WDR70: variants seen among roughly 807,000 people sequenced by gnomAD.
The protein encoded by WDR70 is WD repeat-containing protein 70.
WDR70 carries 53 observed loss-of-function variants against 88.6 expected under a neutral mutation model. The ratio of observed to expected loss-of-function variants is 0.60; its 90% CI spans 0.48 to 0.75. The LOEUF is 0.75. WDR70 is among the 30% of genes least tolerant of loss of function. The pLI, the probability that WDR70 is intolerant of heterozygous loss-of-function variation, is 0.00. For missense variants in WDR70, 610 were observed against 823.2 expected, an observed-to-expected ratio of 0.74 and a Z score of 3.17; for synonymous variants, 280 against 270.0, an observed-to-expected ratio of 1.04 and a Z score of -0.36.
At chr5:37,388,252 G>T (rs1748689272) in intron 3 of WDR70, among the ~76,000 whole-genome samples, 2 of 151,634 alleles carry the variant, frequency 1.3e-5, no homozygotes. Flanking sequence ...GAGTAGCTGG[G>T]ATTACAGGTG....
chr5:37,586,636 C>A (rs776648575), intron 9 of WDR70, among the ~76,000 whole-genome samples: 1 of 150,898 alleles, frequency 6.6e-6, no homozygotes, highest in Non-Finnish European at 1.5e-5. Context: ...GTTCAACTCC[C>A]GCTTATGAGT....
rs1006629687 is a variant in WDR70 at position 37,541,903 on chromosome 5, G to A, written c.917+25313G>A. Among the ~76,000 whole-genome samples the A allele has an allele frequency of 1.7e-4, 26 of 152,302 alleles. No homozygotes were observed. The South Asian group carries it at 5.2e-3, about 30-fold the overall frequency. On this transcript the variant is annotated intron_variant, in intron 9 of 17. Coordinates refer to ENST00000265107, the MANE Select transcript of WDR70 (RefSeq NM_018034.4). Reference sequence around the variant, plus strand: ...TGAGGAAAGTTAGGCTGAACATGCCGTATTAAAAACTTTCACTGGCAATGG... The same window carrying A: ...TGAGGAAAGTTAGGCTGAACATGCCATATTAAAAACTTTCACTGGCAATGG...
At chr5:37,506,158 C>A in intron 8 of WDR70, 2 of 1,056,152 alleles carry the variant, frequency 1.9e-6, no homozygotes, top group South Asian at 2.5e-5. Flanking sequence ...TATCGAAGGT[C>A]CTAACGAGAA....
chr5:37,528,989 GA>G (rs1741398991), intron 9 of WDR70, among the ~76,000 whole-genome samples: 1 of 139,876 alleles, frequency 7.1e-6, no homozygotes, highest in Non-Finnish European at 1.5e-5. Context: ...ATTTTGAGTT[GA>G]TTTTTGTATA....
intron 10 of WDR70, among the ~76,000 whole-genome samples, chr5:37,642,010 A>G (rs1014569726): frequency 6.6e-6 from 1 of 152,216 alleles, no homozygotes. Context: ...TTTGATTTAC[A>G]TACACCTATA....
chr5:37,492,934 A>G (rs575428296), intron 8 of WDR70, among the ~76,000 whole-genome samples: 1 of 152,178 alleles, frequency 6.6e-6, no homozygotes, highest in Non-Finnish European at 1.5e-5. Flanking sequence ...AGATGAGAGT[A>G]TTCAGTCACA....
chr5:37,722,178 C>T (rs1747840873), intron 14 of WDR70: 1 of 152,106 alleles, frequency 6.6e-6, no homozygotes. Context: ...TGCTAATGTA[C>T]TTAGGATGGG....
chr5:37,683,254 C>T (rs538419926), intron 10 of WDR70, among the ~76,000 whole-genome samples: 16 of 152,206 alleles, frequency 1.1e-4, no homozygotes, highest in Middle Eastern at 3.4e-3. Context: ...AGACAACATA[C>T]GATTTGGTCT....
At chr5:37,573,133 G>T (rs951565675) in intron 9 of WDR70, among the ~76,000 whole-genome samples, 2 of 152,156 alleles carry the variant, frequency 1.3e-5, no homozygotes, top group Admixed American at 6.5e-5. Flanking sequence ...ACTTGTTAAA[G>T]CTGGAAGTTA....
intron 10 of WDR70, among the ~76,000 whole-genome samples, chr5:37,688,280 C>T (rs1432970865): frequency 6.6e-6 from 1 of 152,088 alleles, no homozygotes; most frequent in Admixed American, 6.6e-5. Context: ...AGTAATTTGT[C>T]CCAGGTCACA....
intron 8 of WDR70, among the ~76,000 whole-genome samples, chr5:37,501,321 T>G (rs1339011148): frequency 6.6e-6 from 1 of 152,214 alleles, no homozygotes; most frequent in East Asian, 1.9e-4. Flanking sequence ...TCATAAATTC[T>G]TGGCCAGTTT....
At chr5:37,481,888 C>G (rs1739680764) in intron 8 of WDR70, among the ~76,000 whole-genome samples, 1 of 152,184 alleles carries the variant, frequency 6.6e-6, no homozygotes, top group Admixed American at 6.5e-5. Context: ...CTGTCAAGTT[C>G]AAAGTTCCAC....
intron 3 of WDR70, among the ~76,000 whole-genome samples, chr5:37,384,056 T>TATTTTTAAATATATTTAA (rs1748520765): frequency 6.6e-6 from 1 of 152,062 alleles, no homozygotes; most frequent in East Asian, 1.9e-4. Context: ...AATATTTTTG[T>TATTTTTAAATATATTTAA]ATATACCTTA....
At chr5:37,691,468 A>T (rs1480190234) in intron 10 of WDR70, among the ~76,000 whole-genome samples, 1 of 152,112 alleles carries the variant, frequency 6.6e-6, no homozygotes, top group Non-Finnish European at 1.5e-5. Flanking sequence ...GAAATAAAGC[A>T]CTCCTCAGCA....
intron 5 of WDR70, among the ~76,000 whole-genome samples, chr5:37,429,782 T>C (rs543989564): frequency 1.3e-5 from 2 of 152,350 alleles, no homozygotes; most frequent in East Asian, 3.9e-4. Flanking sequence ...TCATGTAGTG[T>C]ACAGTTCTCT....
intron 10 of WDR70, among the ~76,000 whole-genome samples, chr5:37,641,819 G>A (rs1745110832): frequency 6.6e-6 from 1 of 152,050 alleles, no homozygotes; most frequent in African/African-American, 2.4e-5. Context: ...TCTGCTATAG[G>A]TACTGGTGAC....
intron 10 of WDR70, among the ~76,000 whole-genome samples, chr5:37,659,717 C>G (rs1323677877): frequency 6.6e-6 from 1 of 152,164 alleles, no homozygotes; most frequent in East Asian, 1.9e-4. Flanking sequence ...AGAGGGCTTC[C>G]TGTCTGCATC....
At chr5:37,504,532 A>C (rs1581344890) in intron 8 of WDR70, among the ~76,000 whole-genome samples, 1 of 152,236 alleles carries the variant, frequency 6.6e-6, no homozygotes, top group East Asian at 1.9e-4. Context: ...TACAGAATGA[A>C]ATGATTTAAA....
At chr5:37,597,987 A>G (rs1743752460) in intron 9 of WDR70, among the ~76,000 whole-genome samples, 1 of 152,180 alleles carries the variant, frequency 6.6e-6, no homozygotes, top group Non-Finnish European at 1.5e-5. Context: ...ATTAGCTTTT[A>G]TATGTATGTA....
Sources: allele counts gnomAD v4.1 joint callset (sites outside exome capture counted in the v4.1 genomes callset), GRCh38; gene constraint gnomAD v4.1.1; transcripts MANE v1.5; gene names NCBI Gene and HGNC (gene_info 2026-07-23, HGNC 2026-07-21).